The following DLC1 variants were observed in gnomAD, a reference collection of about 807,000 sequenced individuals.
DLC1 encodes the protein rho GTPase-activating protein 7.
In DLC1, 54 loss-of-function variants were observed where a neutral mutation model predicts 140.3. The observed-to-expected ratio is 0.38, with a 90% CI of 0.31 to 0.48. The LOEUF is 0.48. DLC1 is among the 20% of genes least tolerant of loss of function. DLC1 has a pLI of 0.96. For synonymous variants in DLC1, 986 were observed against 728.1 expected, an observed-to-expected ratio of 1.35 and a Z score of -5.70; for missense variants, 2,536 against 1,907.0, an observed-to-expected ratio of 1.33 and a Z score of -6.14.
intron 5 of DLC1, among the ~76,000 whole-genome samples, chr8:13,298,034 G>C (rs964150154): frequency 6.6e-6 from 1 of 151,974 alleles, no homozygotes; most frequent in African/African-American, 2.4e-5. Context: ...TTTCCCTTAC[G>C]CATTTGTCAC....
At chr8:13,336,532 T>C (rs1009537783) in intron 4 of DLC1, among the ~76,000 whole-genome samples, 4 of 152,236 alleles carry the variant, frequency 2.6e-5, no homozygotes, top group African/African-American at 7.2e-5. Flanking sequence ...AAAGCCATCA[T>C]GGTTGAACAA....
Position 13,184,496 on chromosome 8 carries a change from G to A in DLC1, c.1349-68839C>T, listed in dbSNP as rs144520240. Among the ~76,000 whole-genome samples, 1,453 of 152,246 alleles carry A rather than the reference G, an allele frequency of 9.5e-3. 28 individuals carry two copies. The highest frequency in any genetic ancestry group is 0.033 in the African/African-American group (1,360 of 41,536). On this transcript the variant is annotated intron_variant, in intron 5 of 17. Coordinates refer to ENST00000276297, the MANE Select transcript of DLC1 (RefSeq NM_182643.3). ...TGTGTGCCAGAGATTCTGGTACATT[G>A]TGTCTTTGTTCTCATTGGGTTCAAA...
chr8:13,401,866 A>G (rs1837315282), intron 2 of DLC1, among the ~76,000 whole-genome samples: 1 of 152,200 alleles, frequency 6.6e-6, no homozygotes, highest in Non-Finnish European at 1.5e-5. Context: ...AAAAAGAAGT[A>G]TAACACCTAT....
chr8:13,361,971 A>G (rs1835247244), intron 4 of DLC1, among the ~76,000 whole-genome samples: 1 of 152,214 alleles, frequency 6.6e-6, no homozygotes, highest in Admixed American at 6.5e-5. Flanking sequence ...GAGGAAGGAC[A>G]GAATTTCCCA....
intron 6 of DLC1, 91 bp from the exon 7 acceptor site, chr8:13,110,914 C>A: frequency 9.0e-7 from 1 of 1,116,310 alleles, no homozygotes; most frequent in Admixed American, 1.7e-5. Flanking sequence ...TAAAACTCTT[C>A]AGCAATATAC....
intron 5 of DLC1, among the ~76,000 whole-genome samples, chr8:13,213,101 C>T (rs1383150185): frequency 1.3e-5 from 2 of 152,160 alleles, no homozygotes. Flanking sequence ...CTCAAAGATA[C>T]AGTGAAAGAC....
intron 5 of DLC1, among the ~76,000 whole-genome samples, chr8:13,297,207 A>G (rs945229815): frequency 1.2e-4 from 17 of 142,780 alleles, no homozygotes; most frequent in African/African-American, 4.2e-4. Flanking sequence ...TTTTAGAAAC[A>G]CTGAGAAGTT....
rs997332777 is a variant in DLC1 at position 13,449,066 on chromosome 8, A to T, written c.1024-47447T>A. On this transcript the variant is annotated intron_variant, in intron 2 of 17. Transcript: ENST00000276297. ...AAAAAAACAATTTAATGAGCATATTATATACCTTACAAGCCACAATCATTC... is the reference window on the plus strand; with the variant it reads ...AAAAAAACAATTTAATGAGCATATTTTATACCTTACAAGCCACAATCATTC... Among the ~76,000 whole-genome samples, 5 of 152,336 alleles carry T rather than the reference A, an allele frequency of 3.3e-5. No homozygotes were observed. In the South Asian group the frequency reaches 1.0e-3, roughly 32 times the overall value.
intron 4 of DLC1, among the ~76,000 whole-genome samples, chr8:13,345,789 C>T (rs965587885): frequency 6.6e-6 from 1 of 152,098 alleles, no homozygotes; most frequent in South Asian, 2.1e-4. Flanking sequence ...AAACTCCTGA[C>T]CTGAAGTGAT....
chr8:13,541,584 C>G (rs1563429694), intron 1 of DLC1, among the ~76,000 whole-genome samples: 1 of 152,170 alleles, frequency 6.6e-6, no homozygotes, highest in Admixed American at 6.5e-5. Context: ...GGGTCTCACT[C>G]TGTCGCCAAG....
intron 2 of DLC1, among the ~76,000 whole-genome samples, chr8:13,459,873 T>C (rs1040997154): frequency 9.2e-5 from 14 of 152,238 alleles, no homozygotes. Context: ...ACTCTTTTTA[T>C]AATTTTATGA....
At chr8:13,453,655 C>T (rs1585135574) in intron 2 of DLC1, among the ~76,000 whole-genome samples, 1 of 144,166 alleles carries the variant, frequency 6.9e-6, no homozygotes, top group East Asian at 2.1e-4. Context: ...CATTGGAAAT[C>T]TCATGACTAT....
intron 5 of DLC1, among the ~76,000 whole-genome samples, chr8:13,273,731 A>AGTGTGTGTGT (rs1586051165): frequency 9.7e-5 from 3 of 31,012 alleles, no homozygotes; most frequent in Non-Finnish European, 2.1e-4. Context: ...TGTGTGTGTA[A>AGTGTGTGTGT]GGGGGAAGGG....
intron 5 of DLC1, among the ~76,000 whole-genome samples, chr8:13,200,133 C>T (rs1198224501): frequency 6.6e-6 from 1 of 152,118 alleles, no homozygotes; most frequent in African/African-American, 2.4e-5. Context: ...ACCTCCGCCT[C>T]CTGGGTTCAA....
At chr8:13,132,779 A>T (rs13265830) in intron 5 of DLC1, among the ~76,000 whole-genome samples, 2,630 of 152,342 alleles carry the variant, frequency 0.017, 26 homozygotes, top group Non-Finnish European at 0.027. Context: ...GAGTCCTGCT[A>T]TCCCCACACC....
At position 13,086,286 on chromosome 8, in the gene DLC1, A is replaced by G; in HGVS notation, c.4466+4T>C. ...CATATAAAAAAATCAGAATCAGAACATACCTTAAGTCAACTCTGCACATGT... is the reference window on the plus strand; with the variant it reads ...CATATAAAAAAATCAGAATCAGAACGTACCTTAAGTCAACTCTGCACATGT... On this transcript the variant is annotated splice_donor_region_variant and intron_variant, in intron 17 of 17. Coordinates refer to ENST00000276297, the MANE Select transcript of DLC1 (RefSeq NM_182643.3). 1 of 1,613,172 alleles carries G rather than the reference A, an allele frequency of 6.2e-7. No individual in the cohort carries two copies. The highest frequency in any genetic ancestry group is 8.5e-7 in the Non-Finnish European group (1 of 1,179,584).
At chr8:13,458,773 C>A (rs1799527281) in intron 2 of DLC1, among the ~76,000 whole-genome samples, 1 of 152,014 alleles carries the variant, frequency 6.6e-6, no homozygotes, top group African/African-American at 2.4e-5. Context: ...TGTCCTACCT[C>A]CATATGTGTA....
intron 5 of DLC1, among the ~76,000 whole-genome samples, chr8:13,177,143 C>G (rs1377559367): frequency 1.3e-5 from 2 of 152,126 alleles, no homozygotes; most frequent in African/African-American, 4.8e-5. Context: ...CAGAACAGAA[C>G]CAAATATTAT....
intron 1 of DLC1, among the ~76,000 whole-genome samples, chr8:13,532,568 C>G (rs773451563): frequency 6.9e-6 from 1 of 144,920 alleles, no homozygotes; most frequent in African/African-American, 2.4e-5. Flanking sequence ...AAAGCACAGG[C>G]TCTCTCTCTT....
Sources: allele counts gnomAD v4.1 joint callset (sites outside exome capture counted in the v4.1 genomes callset), GRCh38; gene constraint gnomAD v4.1.1; transcripts MANE v1.5; gene names NCBI Gene and HGNC (gene_info 2026-07-23, HGNC 2026-07-21).